NTAQ1: variants seen among roughly 807,000 people sequenced by gnomAD.
The protein encoded by NTAQ1 is N-terminal glutamine amidase 1, also known as protein N-terminal glutamine amidohydrolase.
Under a neutral mutation model 28.2 loss-of-function variants are expected in NTAQ1, and 21 were observed. That is an observed-to-expected ratio of 0.74 (90% CI 0.53 to 1.07). The LOEUF is 1.07. Among genes scored for constraint, NTAQ1 ranks in the 50% least tolerant of loss-of-function variants. The probability of loss-of-function intolerance (pLI) is 0.00; values close to 1 mark genes in which losing one functional copy is unlikely to be tolerated. For synonymous variants in NTAQ1, 105 were observed against 90.0 expected (o/e 1.17, Z -0.94); for missense variants, 264 against 256.6 (o/e 1.03, Z -0.20).
intron 1 of NTAQ1, among the ~76,000 whole-genome samples, chr8:123,420,009 G>T (rs1376401392): frequency 6.6e-6 from 1 of 151,722 alleles, no homozygotes; most frequent in Non-Finnish European, 1.5e-5. Context: ...AAATTATTTT[G>T]TCACCCAGAT....
chr8:123,458,964 G>T (rs1815736729), intron 6 of NTAQ1, among the ~76,000 whole-genome samples: 1 of 152,030 alleles, frequency 6.6e-6, no homozygotes, highest in African/African-American at 2.4e-5. Context: ...TGCAGTCCCA[G>T]TTACTCCGGA....
intron 6 of NTAQ1, among the ~76,000 whole-genome samples, chr8:123,464,236 C>A (rs1314025744): frequency 6.6e-6 from 1 of 152,122 alleles, no homozygotes; most frequent in African/African-American, 2.4e-5. Flanking sequence ...CTTTATACCC[C>A]TAAAGGGACC....
At chr8:123,453,801 TCTC>T (rs1038610029) in intron 6 of NTAQ1, among the ~76,000 whole-genome samples, 5 of 152,162 alleles carry the variant, frequency 3.3e-5, no homozygotes, top group East Asian at 1.9e-4. Context: ...ATACCATTAT[TCTC>T]CTCATGTTAC....
At chr8:123,443,955 A>T (rs1341229607), downstream of NTAQ1, among the ~76,000 whole-genome samples, 2 of 152,106 alleles carry the variant, frequency 1.3e-5, no homozygotes, top group African/African-American at 4.8e-5. Flanking sequence ...TTTAACTGAA[A>T]GATAGGTTTT....
intron 3 of NTAQ1, among the ~76,000 whole-genome samples, chr8:123,433,546 C>T (rs1814520149): frequency 6.6e-6 from 1 of 152,144 alleles, no homozygotes; most frequent in Non-Finnish European, 1.5e-5. Flanking sequence ...CTCCTGGGTT[C>T]AAGTGATTCT....
At chr8:123,442,431 C>T (rs1011409196), downstream of NTAQ1, among the ~76,000 whole-genome samples, 1 of 151,568 alleles carries the variant, frequency 6.6e-6, no homozygotes, top group African/African-American at 2.4e-5. Flanking sequence ...AACCTTGTCT[C>T]TACTAAAAAT....
chr8:123,441,189 A>G, intron 5 of NTAQ1, 117 bp from the exon 6 acceptor site: 1 of 730,616 alleles, frequency 1.4e-6, no homozygotes, highest in Non-Finnish European at 2.3e-6. Context: ...CAGAAGTGAC[A>G]TTGAGCCCTT....
intron 4 of NTAQ1, 132 bp downstream of exon 4, chr8:123,436,733 A>G: frequency 3.1e-6 from 3 of 968,434 alleles, no homozygotes; most frequent in Non-Finnish European, 4.5e-6. Context: ...GATGTTTAAG[A>G]ATGATGTATT....
At chr8:123,432,363 G>A (rs1349698210) in intron 3 of NTAQ1, among the ~76,000 whole-genome samples, 1 of 151,996 alleles carries the variant, frequency 6.6e-6, no homozygotes, top group African/African-American at 2.4e-5. Flanking sequence ...TTTCAGGTTG[G>A]GCGTGGTGGC....
intron 6 of NTAQ1, among the ~76,000 whole-genome samples, chr8:123,462,027 A>G (rs1418843777): frequency 6.6e-6 from 1 of 152,154 alleles, no homozygotes; most frequent in South Asian, 2.1e-4. Context: ...CAGTGCATGT[A>G]TCCCTAAAAG....
intron 1 of NTAQ1, among the ~76,000 whole-genome samples, chr8:123,422,645 T>C (rs1813779216): frequency 6.6e-6 from 1 of 151,414 alleles, no homozygotes; most frequent in South Asian, 2.1e-4. Flanking sequence ...CTCTTTAGTT[T>C]AATTAGGTCT....
At chr8:123,444,855 A>C (rs998772312), downstream of NTAQ1, among the ~76,000 whole-genome samples, 26 of 152,300 alleles carry the variant, frequency 1.7e-4, no homozygotes, top group African/African-American at 5.8e-4. Context: ...GAAACAGAGT[A>C]TCTCTGAGAA....
At position 123,441,391 on chromosome 8, in the gene NTAQ1, T is replaced by A. The variant is rs146761072; in HGVS notation, c.594T>A (p.His198Gln). 7.5e-6 allele frequency: 12 copies of A among 1,609,758 alleles called. No homozygotes were observed. In the African/African-American group the frequency reaches 1.5e-4, roughly 20 times the overall value. The part of the protein sequence containing the change: ...GAVYTLSEFT[H>Q]RFGSKNC Reference sequence around the variant, plus strand: ...TCTACACACTATCCGAATTTACACATCGGTTTGGCAGTAAAAACTGCTGAA... The same window carrying A: ...TCTACACACTATCCGAATTTACACAACGGTTTGGCAGTAAAAACTGCTGAA... The change falls in exon 6 of 6, where the codon CAT (histidine) becomes CAA (glutamine). Residue 198 changes from histidine to glutamine, a missense_variant. Coordinates refer to ENST00000287387, the MANE Select transcript of NTAQ1 (RefSeq NM_018024.3).
chr8:123,433,648 A>G (rs185580044), intron 3 of NTAQ1, among the ~76,000 whole-genome samples: 4 of 152,154 alleles, frequency 2.6e-5, no homozygotes, highest in Non-Finnish European at 4.4e-5. Context: ...GGGTCTCACT[A>G]TGTTGACCAG....
At chr8:123,432,375 C>T (rs141370658) in intron 3 of NTAQ1, among the ~76,000 whole-genome samples, 2,823 of 152,202 alleles carry the variant, frequency 0.019, 97 homozygotes, top group African/African-American at 0.064. Flanking sequence ...CGTGGTGGCT[C>T]ACACCTGTAA....
intron 1 of NTAQ1, among the ~76,000 whole-genome samples, chr8:123,421,451 A>G (rs1044749978): frequency 6.6e-6 from 1 of 151,168 alleles, no homozygotes; most frequent in African/African-American, 2.4e-5. Context: ...CGTTTCTCTA[A>G]TGATTAGTGT....
intron 1 of NTAQ1, 41 bp downstream of exon 1, chr8:123,416,973 C>G: frequency 7.1e-7 from 1 of 1,403,000 alleles, no homozygotes. Flanking sequence ...TCCCAGGCTC[C>G]CGGGCGGCGA....
exon 7 of NTAQ1, among the ~76,000 whole-genome samples, chr8:123,467,957 A>G (rs1253629493): frequency 1.3e-5 from 2 of 152,186 alleles, no homozygotes; most frequent in African/African-American, 2.4e-5. Flanking sequence ...CATGTTGGTC[A>G]GGCTGGTCTC....
intron 3 of NTAQ1, among the ~76,000 whole-genome samples, chr8:123,435,126 A>G (rs1814625440): frequency 6.6e-6 from 1 of 152,204 alleles, no homozygotes; most frequent in Non-Finnish European, 1.5e-5. Context: ...TTGATTTCAC[A>G]GTGCTGTTCT....
Sources: gnomAD v4.1 joint callset for allele counts (sites outside exome capture counted in the v4.1 genomes callset) on GRCh38, gnomAD v4.1.1 for gene constraint, MANE v1.5 for transcripts, NCBI Gene and HGNC (gene_info 2026-07-23, HGNC 2026-07-21) for gene names.